MYO3B: variants seen among roughly 807,000 people sequenced by gnomAD.
MYO3B encodes the protein myosin-IIIb.
Under a neutral mutation model 174.6 loss-of-function variants are expected in MYO3B, and 156 were observed. The observed-to-expected ratio is 0.89, with a 90% CI of 0.78 to 1.02. MYO3B has a LOEUF of 1.02. Ranked by LOEUF, MYO3B falls within the 50% of genes least tolerant of loss-of-function variation. MYO3B has a pLI of 0.00. For synonymous variants in MYO3B, 563 were observed against 569.1 expected, an observed-to-expected ratio of 0.99 and a Z score of 0.15; for missense variants, 1,632 against 1,639.4, an observed-to-expected ratio of 1.00 and a Z score of 0.08.
chr2:170,324,109 G>A (rs1309689632), intron 7 of MYO3B, among the ~76,000 whole-genome samples: 1 of 152,154 alleles, frequency 6.6e-6, no homozygotes, highest in Non-Finnish European at 1.5e-5. Context: ...CAGAGCGACA[G>A]GAAAGAGTCA....
intron 8 of MYO3B, among the ~76,000 whole-genome samples, chr2:170,336,705 A>C (rs2093949536): frequency 6.6e-6 from 1 of 152,224 alleles, no homozygotes; most frequent in South Asian, 2.1e-4. Context: ...GGGCTGTTAC[A>C]TAATATACAG....
At chr2:170,352,030 G>T (rs1186679349) in intron 8 of MYO3B, among the ~76,000 whole-genome samples, 2 of 152,152 alleles carry the variant, frequency 1.3e-5, no homozygotes, top group African/African-American at 4.8e-5. Flanking sequence ...TCGGCTCACT[G>T]CAACCTCCGC....
At chr2:170,236,686 A>T (rs2093074724) in intron 7 of MYO3B, among the ~76,000 whole-genome samples, 2 of 152,152 alleles carry the variant, frequency 1.3e-5, no homozygotes, top group African/African-American at 4.8e-5. Flanking sequence ...CTGTGTATTC[A>T]TTAGTGGTTT....
intron 25 of MYO3B, among the ~76,000 whole-genome samples, chr2:170,497,753 G>A (rs1021615206): frequency 1.3e-5 from 2 of 151,914 alleles, no homozygotes; most frequent in African/African-American, 4.8e-5. Context: ...TGTTCTAGGG[G>A]CCTCAGCTGT....
intron 32 of MYO3B, among the ~76,000 whole-genome samples, chr2:170,570,427 A>C (rs1317771632): frequency 6.6e-6 from 1 of 152,198 alleles, no homozygotes; most frequent in African/African-American, 2.4e-5. Flanking sequence ...ATCTCTGTGA[A>C]CCAAATAAAA....
chr2:170,268,757 A>G (rs1391399661), intron 7 of MYO3B, among the ~76,000 whole-genome samples: 1 of 152,168 alleles, frequency 6.6e-6, no homozygotes, highest in African/African-American at 2.4e-5. Flanking sequence ...TACAACACAT[A>G]TAACAGATAA....
intron 32 of MYO3B, among the ~76,000 whole-genome samples, chr2:170,583,783 G>T (rs2106308515): frequency 6.6e-6 from 1 of 152,132 alleles, no homozygotes; most frequent in Non-Finnish European, 1.5e-5. Flanking sequence ...GAGAAGTTTA[G>T]CTCCTTGCCC....
intron 25 of MYO3B, among the ~76,000 whole-genome samples, chr2:170,495,775 T>C (rs1008859068): frequency 6.6e-6 from 1 of 152,246 alleles, no homozygotes; most frequent in Non-Finnish European, 1.5e-5. Context: ...GGAACCCATG[T>C]TGTAAATGGC....
chr2:170,634,537 A>C (rs1697297014), intron 32 of MYO3B, among the ~76,000 whole-genome samples: 1 of 152,236 alleles, frequency 6.6e-6, no homozygotes, highest in African/African-American at 2.4e-5. Flanking sequence ...CCTAGGCAAT[A>C]CCATTCAGGA....
At chr2:170,545,547 T>G (rs1218229635) in intron 32 of MYO3B, among the ~76,000 whole-genome samples, 1 of 152,212 alleles carries the variant, frequency 6.6e-6, no homozygotes, top group Non-Finnish European at 1.5e-5. Context: ...GGTGTGATAG[T>G]TCAGGGGAAG....
chr2:170,650,582 AATTAGAACTGCTGAATCCTGAT>A (rs1698926656), intron 32 of MYO3B, among the ~76,000 whole-genome samples: 1 of 151,990 alleles, frequency 6.6e-6, no homozygotes, highest in Non-Finnish European at 1.5e-5. Context: ...GTTGCCAAGA[AATTAGAACTGCTGAATCCTGAT>A]TCAGATATAG....
chr2:170,527,581 G>A (rs2106161890), intron 30 of MYO3B, among the ~76,000 whole-genome samples: 1 of 152,296 alleles, frequency 6.6e-6, no homozygotes, highest in Admixed American at 6.5e-5. Flanking sequence ...TGGCCTGCCA[G>A]CATCCGAGTT....
At chr2:170,561,132 AC>A (rs895887336) in intron 32 of MYO3B, among the ~76,000 whole-genome samples, 3 of 152,120 alleles carry the variant, frequency 2.0e-5, no homozygotes, top group African/African-American at 7.2e-5. Flanking sequence ...CATTAATGGA[AC>A]CCCCATTCAT....
chr2:170,539,217 A>G (rs967169491), intron 30 of MYO3B, among the ~76,000 whole-genome samples: 1 of 152,254 alleles, frequency 6.6e-6, no homozygotes, highest in African/African-American at 2.4e-5. Flanking sequence ...ATCTCATAAA[A>G]TAGCTCACCT....
At chr2:170,630,422 G>A (rs1046660613) in intron 32 of MYO3B, among the ~76,000 whole-genome samples, 4 of 152,198 alleles carry the variant, frequency 2.6e-5, no homozygotes, top group East Asian at 1.9e-4. Flanking sequence ...GGGGCCCACC[G>A]CAGCTCAACG....
At chr2:170,258,781 T>A (rs1254581549) in intron 7 of MYO3B, among the ~76,000 whole-genome samples, 1 of 152,228 alleles carries the variant, frequency 6.6e-6, no homozygotes, top group East Asian at 1.9e-4. Flanking sequence ...CTCTCTTCAC[T>A]GATGATATGA....
At chr2:170,577,804 A>C (rs1245699132) in intron 32 of MYO3B, among the ~76,000 whole-genome samples, 1 of 152,256 alleles carries the variant, frequency 6.6e-6, no homozygotes, top group African/African-American at 2.4e-5. Flanking sequence ...CTGAAATGTG[A>C]ACCAAAGCAG....
intron 6 of MYO3B, among the ~76,000 whole-genome samples, chr2:170,218,131 T>C (rs1559308283): frequency 6.6e-6 from 1 of 152,174 alleles, no homozygotes; most frequent in Non-Finnish European, 1.5e-5. Flanking sequence ...TGCATGATGG[T>C]ATTTCCTCTG....
At chr2:170,470,163 T>C (rs1684899439) in intron 25 of MYO3B, among the ~76,000 whole-genome samples, 2 of 149,608 alleles carry the variant, frequency 1.3e-5, no homozygotes, top group African/African-American at 2.5e-5. Context: ...GGTTTTTAAT[T>C]AGTCACAGAG....
Sources: allele counts gnomAD v4.1 joint callset (sites outside exome capture counted in the v4.1 genomes callset), GRCh38; gene constraint gnomAD v4.1.1; transcripts MANE v1.5; gene names NCBI Gene and HGNC (gene_info 2026-07-23, HGNC 2026-07-21).